AFF3: variants seen among roughly 807,000 people sequenced by gnomAD.
AFF3 encodes AF4/FMR2 family member 3.
In AFF3, 32 loss-of-function variants were observed where a neutral mutation model predicts 129.7. That is an observed-to-expected ratio of 0.25 (90% CI 0.19 to 0.33). The LOEUF is 0.33. AFF3 is among the 10% of genes least tolerant of loss of function. The pLI is 1.00. For synonymous variants in AFF3, 644 were observed against 635.4 expected (o/e 1.01, Z -0.20); for missense variants, 1,373 against 1,592.0 (o/e 0.86, Z 2.34).
At chr2:99,589,064 T>G (rs1678402982) in intron 15 of AFF3, among the ~76,000 whole-genome samples, 1 of 152,228 alleles carries the variant, frequency 6.6e-6, no homozygotes, top group Non-Finnish European at 1.5e-5. Context: ...TCTAGTAAAC[T>G]CTGCATGCCT....
chr2:99,932,128 C>T (rs536422566), intron 7 of AFF3, among the ~76,000 whole-genome samples: 7 of 152,264 alleles, frequency 4.6e-5, no homozygotes, highest in South Asian at 2.1e-4. Context: ...AGCCCATGGA[C>T]GCATGCAGGC....
At chr2:99,605,486 C>A (rs1680239243) in intron 13 of AFF3, among the ~76,000 whole-genome samples, 1 of 152,212 alleles carries the variant, frequency 6.6e-6, no homozygotes, top group African/African-American at 2.4e-5. Context: ...CTCCTCTAAC[C>A]CATCCTTGCA....
intron 7 of AFF3, 66 bp from the exon 8 acceptor site, chr2:99,837,590 A>C: frequency 6.7e-7 from 1 of 1,485,156 alleles, no homozygotes; most frequent in Non-Finnish European, 9.2e-7. Flanking sequence ...AAGACATGCA[A>C]GGTTCCAAAT....
chr2:99,995,307 A>G (rs1367869025), intron 7 of AFF3, among the ~76,000 whole-genome samples: 1 of 152,214 alleles, frequency 6.6e-6, no homozygotes, highest in Admixed American at 6.5e-5. Context: ...GGATTTGACT[A>G]TTTAAAAATT....
At chr2:99,851,513 G>A (rs1410056084) in intron 7 of AFF3, among the ~76,000 whole-genome samples, 1 of 152,228 alleles carries the variant, frequency 6.6e-6, no homozygotes, top group Non-Finnish European at 1.5e-5. Flanking sequence ...TCCGAGCACT[G>A]TTTGAGGCTT....
intron 7 of AFF3, among the ~76,000 whole-genome samples, chr2:99,872,253 G>C (rs1434818473): frequency 2.2e-5 from 3 of 137,516 alleles, no homozygotes; most frequent in South Asian, 2.5e-4. Context: ...CACATGGCAA[G>C]AACATCTCTA....
At chr2:99,759,393 C>G (rs576895132) in intron 8 of AFF3, among the ~76,000 whole-genome samples, 2 of 152,104 alleles carry the variant, frequency 1.3e-5, no homozygotes, top group Admixed American at 1.3e-4. Context: ...TTTGGATTTA[C>G]TAAACATAAT....
intron 9 of AFF3, among the ~76,000 whole-genome samples, chr2:99,749,702 C>T (rs1037398207): frequency 2.0e-5 from 3 of 152,176 alleles, no homozygotes; most frequent in East Asian, 1.9e-4. Flanking sequence ...ATGTCAATTC[C>T]ACCAATGAGA....
At chr2:99,580,425 C>T (rs1414436179) in intron 17 of AFF3, among the ~76,000 whole-genome samples, 4 of 152,198 alleles carry the variant, frequency 2.6e-5, no homozygotes, top group Admixed American at 6.5e-5. Flanking sequence ...TGACTCTTTA[C>T]AGCAGCAGTT....
intron 10 of AFF3, among the ~76,000 whole-genome samples, chr2:99,729,092 G>A (rs1309716606): frequency 1.1e-4 from 16 of 152,060 alleles, no homozygotes; most frequent in Admixed American, 1.0e-3. Context: ...TTAATTTGGT[G>A]AAACTGGTTA....
chr2:100,071,631 G>T (rs905211899), intron 4 of AFF3, among the ~76,000 whole-genome samples: 1 of 152,212 alleles, frequency 6.6e-6, no homozygotes, highest in Non-Finnish European at 1.5e-5. Flanking sequence ...CTCAGTATTA[G>T]TGTCTTCTTT....
chr2:100,043,264 A>G (rs1573231785), intron 4 of AFF3, among the ~76,000 whole-genome samples: 1 of 152,284 alleles, frequency 6.6e-6, no homozygotes, highest in Admixed American at 6.5e-5. Flanking sequence ...TCAAAAGCAT[A>G]TCAATTTGGC....
At chr2:99,995,003 C>G (rs1680707348) in intron 7 of AFF3, among the ~76,000 whole-genome samples, 1 of 152,092 alleles carries the variant, frequency 6.6e-6, no homozygotes, top group Non-Finnish European at 1.5e-5. Flanking sequence ...TTTGTGAGAT[C>G]AGATGACACC....
intron 7 of AFF3, among the ~76,000 whole-genome samples, chr2:99,996,053 A>G (rs1259823122): frequency 6.6e-6 from 1 of 152,196 alleles, no homozygotes; most frequent in East Asian, 1.9e-4. Flanking sequence ...TCATTGCAGA[A>G]TAATTTGTAA....
chr2:99,600,280 G>A (rs1228412452), intron 14 of AFF3, among the ~76,000 whole-genome samples: 1 of 152,186 alleles, frequency 6.6e-6, no homozygotes, highest in African/African-American at 2.4e-5. Context: ...GTGCTGAGGA[G>A]AAAATGAGGA....
chr2:99,962,646 A>T (rs1358378196), intron 7 of AFF3, among the ~76,000 whole-genome samples: 1 of 152,074 alleles, frequency 6.6e-6, no homozygotes, highest in Non-Finnish European at 1.5e-5. Flanking sequence ...CTCAATAGTA[A>T]AGTGGAGATG....
intron 9 of AFF3, 23 bp downstream of exon 9, chr2:99,752,198 T>C: frequency 1.3e-6 from 2 of 1,588,400 alleles, no homozygotes; most frequent in Non-Finnish European, 1.7e-6. Flanking sequence ...AACATATTCC[T>C]CCTGAGGGAT....
chr2:99,988,690 A>T (rs1386204213), intron 7 of AFF3, among the ~76,000 whole-genome samples: 1 of 152,192 alleles, frequency 6.6e-6, no homozygotes, highest in Non-Finnish European at 1.5e-5. Flanking sequence ...GCAGGAAAGA[A>T]ATCAGTTTAA....
At chr2:99,903,625 T>A (rs916538593) in intron 7 of AFF3, among the ~76,000 whole-genome samples, 3 of 152,164 alleles carry the variant, frequency 2.0e-5, no homozygotes, top group East Asian at 3.9e-4. Context: ...AAATCAGATA[T>A]GAATTTAATG....
Sources: gnomAD v4.1 joint callset for allele counts (sites outside exome capture counted in the v4.1 genomes callset) on GRCh38, gnomAD v4.1.1 for gene constraint, MANE v1.5 for transcripts, NCBI Gene and HGNC (gene_info 2026-07-23, HGNC 2026-07-21) for gene names.